The following DAB1 variants were observed in gnomAD, a reference collection of about 807,000 sequenced individuals.
DAB1 encodes the protein DAB adaptor protein 1, also known as disabled homolog 1.
In DAB1, 15 loss-of-function variants were observed where a neutral mutation model predicts 64.6. The observed-to-expected ratio is 0.23, with a 90% CI of 0.16 to 0.36. The LOEUF is 0.36. Ranked by LOEUF, DAB1 falls within the 10% of genes least tolerant of loss-of-function variation. DAB1 has a pLI of 1.00. For missense variants in DAB1, 596 were observed against 706.7 expected (o/e 0.84, Z 1.78); for synonymous variants, 235 against 251.9 (o/e 0.93, Z 0.64).
intron 6 of DAB1, among the ~76,000 whole-genome samples, chr1:57,654,171 C>T (rs1321674314): frequency 6.6e-6 from 1 of 151,916 alleles, no homozygotes. Flanking sequence ...GTCCATTTTT[C>T]TATTGGGTTG....
intron 3 of DAB1, among the ~76,000 whole-genome samples, chr1:58,366,893 A>G (rs1469185560): frequency 3.3e-5 from 5 of 152,208 alleles, no homozygotes; most frequent in African/African-American, 1.2e-4. Context: ...CTAAGATAAT[A>G]CCATTGTTTT....
chr1:58,126,934 T>C (rs1192300277), intron 5 of DAB1, among the ~76,000 whole-genome samples: 1 of 145,530 alleles, frequency 6.9e-6, no homozygotes, highest in Non-Finnish European at 1.5e-5. Flanking sequence ...TGCATGTGTC[T>C]TTATAGCAGC....
At chr1:57,033,637 G>A in intron 9 of DAB1, 1 of 1,466,234 alleles carries the variant, frequency 6.8e-7, no homozygotes, top group Non-Finnish European at 9.4e-7. Flanking sequence ...ATGGATTTAT[G>A]AGTTTAATGA....
chr1:58,125,750 C>G (rs559563299), intron 5 of DAB1, among the ~76,000 whole-genome samples: 2 of 152,122 alleles, frequency 1.3e-5, no homozygotes, highest in Non-Finnish European at 2.9e-5. Flanking sequence ...CCAGTCTCAC[C>G]TTAACACTTT....
chr1:58,456,484 G>A (rs192559405), intron 3 of DAB1, among the ~76,000 whole-genome samples: 49 of 152,320 alleles, frequency 3.2e-4, no homozygotes, highest in Admixed American at 2.8e-3. Flanking sequence ...AGGGGTGGGA[G>A]TGGAATGGAG....
intron 4 of DAB1, among the ~76,000 whole-genome samples, chr1:57,083,967 C>T (rs530704255): frequency 3.3e-5 from 5 of 152,320 alleles, no homozygotes; most frequent in Admixed American, 1.3e-4. Flanking sequence ...AAGTGCCTAG[C>T]GTTCCGCCTG....
intron 3 of DAB1, among the ~76,000 whole-genome samples, chr1:58,487,093 G>T (rs970392636): frequency 5.3e-5 from 8 of 152,234 alleles, no homozygotes; most frequent in African/African-American, 1.7e-4. Context: ...GGTGAAACGT[G>T]ACATCGTGAG....
chr1:57,350,786 T>C (rs981917716), intron 1 of DAB1, among the ~76,000 whole-genome samples: 7 of 152,034 alleles, frequency 4.6e-5, no homozygotes, highest in Non-Finnish European at 1.0e-4. Flanking sequence ...AACACTAAGA[T>C]AAAATGAATG....
intron 3 of DAB1, among the ~76,000 whole-genome samples, chr1:58,423,941 G>A (rs1035673413): frequency 3.3e-5 from 5 of 152,160 alleles, no homozygotes; most frequent in African/African-American, 1.2e-4. Context: ...CCAGCCCCAA[G>A]GAAAGGATCT....
At chr1:58,099,668 G>A (rs941053466) in intron 5 of DAB1, among the ~76,000 whole-genome samples, 1 of 152,194 alleles carries the variant, frequency 6.6e-6, no homozygotes, top group African/African-American at 2.4e-5. Flanking sequence ...AGTCAGTCTG[G>A]TGCCACGCTC....
chr1:58,168,087 A>G (rs1344610153), intron 4 of DAB1, among the ~76,000 whole-genome samples: 1 of 152,196 alleles, frequency 6.6e-6, no homozygotes, highest in African/African-American at 2.4e-5. Flanking sequence ...ATTTTTCCTT[A>G]GAATTCAGGG....
chr1:57,016,797 C>T (rs1646447492), intron 11 of DAB1, among the ~76,000 whole-genome samples: 1 of 152,174 alleles, frequency 6.6e-6, no homozygotes, highest in South Asian at 2.1e-4. Context: ...AACATAGTAA[C>T]AGCAACAAGC....
In DAB1 at chr1:57,472,930, G is replaced by C. The variant is rs139686696; in HGVS notation, n.625+176662C>G. Among the ~76,000 whole-genome samples the C allele has an allele frequency of 6.7e-3, 1,019 of 152,274 alleles. 12 individuals carry two copies. The highest frequency in any genetic ancestry group is 0.023 in the African/African-American group (958 of 41,558). ...AATGCACTAAAATCTTTCTTCCTTGGCTTTCTGACTTTGGATTTTAAGGAC... is the reference window on the plus strand; with the variant it reads ...AATGCACTAAAATCTTTCTTCCTTGCCTTTCTGACTTTGGATTTTAAGGAC... On this transcript the variant is annotated intron_variant and non_coding_transcript_variant, in intron 7 of 20. Coordinates refer to the DAB1 transcript ENST00000485760.
chr1:58,143,728 A>G lies in DAB1; in HGVS notation n.387+6783T>C, dbSNP rs149593568. On this transcript the variant is annotated intron_variant and non_coding_transcript_variant, in intron 5 of 20. Coordinates refer to the DAB1 transcript ENST00000485760. ...TAACACAGCTGTCTTCTAAGCTGTT[A>G]TTATTTTCCTCCAATAACAGCATGG... Among the ~76,000 whole-genome samples the G allele has an allele frequency of 8.1e-3, 1,237 of 152,314 alleles. 6 individuals carry two copies. Among genetic ancestry groups the G allele is most frequent in the Non-Finnish European group, 0.013 (893 of 68,016 alleles).
At chr1:57,357,519 CTTT>C (rs35457403) in intron 1 of DAB1, among the ~76,000 whole-genome samples, 1 of 122,792 alleles carries the variant, frequency 8.1e-6, no homozygotes, top group East Asian at 2.4e-4. Context: ...CACCTTCTTC[CTTT>C]TTTTTTTTTT....
At chr1:57,968,751 C>T (rs978248561) in intron 5 of DAB1, among the ~76,000 whole-genome samples, 10 of 152,100 alleles carry the variant, frequency 6.6e-5, no homozygotes, top group Non-Finnish European at 1.2e-4. Flanking sequence ...AGCCTCACAA[C>T]GATACTGTGA....
At chr1:58,144,755 G>A (rs1388100047) in intron 5 of DAB1, among the ~76,000 whole-genome samples, 1 of 152,178 alleles carries the variant, frequency 6.6e-6, no homozygotes, top group East Asian at 1.9e-4. Context: ...GCAGCAAGCA[G>A]CAGAGCCTGA....
intron 5 of DAB1, among the ~76,000 whole-genome samples, chr1:57,910,404 T>C (rs1291520311): frequency 1.3e-5 from 2 of 152,238 alleles, no homozygotes; most frequent in African/African-American, 4.8e-5. Context: ...TATAGGTGTT[T>C]AGACGTACTG....
intron 7 of DAB1, among the ~76,000 whole-genome samples, chr1:57,473,208 C>T (rs1687203202): frequency 6.6e-6 from 1 of 152,182 alleles, no homozygotes; most frequent in South Asian, 2.1e-4. Context: ...AAGTTAAACT[C>T]TTTGGGCCTT....
Sources: gnomAD v4.1 joint callset for allele counts (sites outside exome capture counted in the v4.1 genomes callset) on GRCh38, gnomAD v4.1.1 for gene constraint, MANE v1.5 for transcripts, NCBI Gene and HGNC (gene_info 2026-07-23, HGNC 2026-07-21) for gene names.